Variants in PDE10A observed in about 807,000 individuals in gnomAD.
PDE10A encodes the protein phosphodiesterase 10A.
A neutral mutation model predicts 97.7 loss-of-function variants in PDE10A; 39 were observed. The observed-to-expected ratio is 0.40, with a 90% CI of 0.31 to 0.52. The LOEUF (loss-of-function observed/expected upper bound fraction) is 0.52. Among genes scored for constraint, PDE10A ranks in the 20% least tolerant of loss-of-function variants. The probability of loss-of-function intolerance (pLI) is 0.56; values close to 1 mark genes in which losing one functional copy is unlikely to be tolerated. For missense variants in PDE10A, 731 were observed against 1,047.8 expected (o/e 0.70, Z 4.17); for synonymous variants, 371 against 376.8 (o/e 0.98, Z 0.18).
chr6:165,330,334 T>C lies in PDE10A; in HGVS notation c.*2691A>G, dbSNP rs375504760. 6.6e-6 allele frequency: 1 copy of C among 152,156 alleles called. No individual in the cohort carries two copies. The highest frequency in any genetic ancestry group is 1.9e-4 in the East Asian group (1 of 5,194). 9.4% of individuals were successfully genotyped at this position (152,156 alleles called of 1,614,324 possible). On this transcript the variant is annotated 3_prime_UTR_variant, in exon 22 of 22. Transcript: ENST00000539869. Reference sequence around the variant, plus strand: ...CACACTGTTCTTTTAAGAAAAGATCTGGGAACAAGACAAGAAACATGACCC... The same window carrying C: ...CACACTGTTCTTTTAAGAAAAGATCCGGGAACAAGACAAGAAACATGACCC...
chr6:165,391,588 A>C (rs1785719112), intron 16 of PDE10A, among the ~76,000 whole-genome samples: 1 of 152,158 alleles, frequency 6.6e-6, no homozygotes, highest in South Asian at 2.1e-4. Flanking sequence ...AAAAGGAGAG[A>C]TTTCATGTGG....
chr6:165,794,330 C>T (rs60849529), intron 1 of PDE10A, among the ~76,000 whole-genome samples: 1 of 151,422 alleles, frequency 6.6e-6, no homozygotes, highest in African/African-American at 2.4e-5. Context: ...TCATCACACA[C>T]TCATAAACAC....
intron 1 of PDE10A, among the ~76,000 whole-genome samples, chr6:165,621,724 C>G (rs1373367743): frequency 6.6e-6 from 1 of 150,508 alleles, no homozygotes; most frequent in Non-Finnish European, 1.5e-5. Context: ...CCACTGAACT[C>G]CAGCCCTGGG....
intron 1 of PDE10A, among the ~76,000 whole-genome samples, chr6:165,642,785 T>G (rs1448360452): frequency 6.6e-6 from 1 of 152,244 alleles, no homozygotes; most frequent in African/African-American, 2.4e-5. Context: ...AAGAGCCCTT[T>G]GCATTCACTC....
intron 1 of PDE10A, among the ~76,000 whole-genome samples, chr6:165,656,666 T>C (rs1429011229): frequency 2.0e-5 from 3 of 152,194 alleles, no homozygotes; most frequent in Non-Finnish European, 2.9e-5. Flanking sequence ...CAGGCTGTTT[T>C]CCACCCTGCA....
intron 1 of PDE10A, among the ~76,000 whole-genome samples, chr6:165,823,486 A>ATG (rs1779631440): frequency 2.2e-5 from 1 of 45,290 alleles, no homozygotes; most frequent in East Asian, 3.9e-4. Context: ...TTAACTTTAT[A>ATG]TATATATATA....
At chr6:165,458,252 G>C (rs1778078674) in intron 3 of PDE10A, among the ~76,000 whole-genome samples, 1 of 152,082 alleles carries the variant, frequency 6.6e-6, no homozygotes, top group African/African-American at 2.4e-5. Context: ...CAGAGCTATA[G>C]ACTGTATCTC....
rs186705321 is a variant in PDE10A, at chr6:165,338,542, T to A, written c.2976+736A>T. ...GTAGTATGACCTGAAAAGAGGATAATTAATGTCAATTTATGTTGAGACAAA... is the reference window on the plus strand; with the variant it reads ...GTAGTATGACCTGAAAAGAGGATAAATAATGTCAATTTATGTTGAGACAAA... On this transcript the variant is annotated intron_variant, in intron 20 of 21. Transcript: ENST00000539869. Among the ~76,000 whole-genome samples the A allele has an allele frequency of 9.3e-4, 141 of 152,272 alleles. No individual in the cohort carries two copies. In the East Asian group the frequency reaches 0.011, roughly 11 times the overall value.
intron 1 of PDE10A, among the ~76,000 whole-genome samples, chr6:165,855,178 A>G (rs1780694515): frequency 6.6e-6 from 1 of 151,760 alleles, no homozygotes; most frequent in Admixed American, 6.6e-5. Context: ...CACAGCAGCT[A>G]CCCCAGGGCA....
intron 10 of PDE10A, among the ~76,000 whole-genome samples, chr6:165,419,909 C>T (rs968498861): frequency 6.6e-6 from 1 of 152,306 alleles, no homozygotes; most frequent in Admixed American, 6.5e-5. Flanking sequence ...AGTTAGGTAA[C>T]TGTCTTCATC....
At chr6:165,742,818 G>T (rs1428189629) in intron 1 of PDE10A, among the ~76,000 whole-genome samples, 1 of 151,402 alleles carries the variant, frequency 6.6e-6, no homozygotes, top group Admixed American at 6.6e-5. Context: ...TGAGGGAGGG[G>T]TTCATTTTCC....
intron 1 of PDE10A, among the ~76,000 whole-genome samples, chr6:165,779,748 C>T (rs1583077183): frequency 6.6e-6 from 1 of 152,296 alleles, no homozygotes; most frequent in East Asian, 1.9e-4. Flanking sequence ...TGTTCGACTG[C>T]TGTGATGCAG....
At chr6:165,930,184 C>G (rs1478314924) in intron 1 of PDE10A, among the ~76,000 whole-genome samples, 1 of 152,232 alleles carries the variant, frequency 6.6e-6, no homozygotes, top group Non-Finnish European at 1.5e-5. Context: ...GGAAGGTTCA[C>G]AGATCCCTGA....
chr6:165,350,658 C>A (rs1469898555), intron 18 of PDE10A, among the ~76,000 whole-genome samples: 1 of 152,188 alleles, frequency 6.6e-6, no homozygotes, highest in Admixed American at 6.5e-5. Flanking sequence ...CAAATCCCAT[C>A]TTGAATTGCA....
At chr6:165,708,749 C>G in intron 1 of PDE10A, among the ~76,000 whole-genome samples, 1 of 121,766 alleles carries the variant, frequency 8.2e-6, no homozygotes, top group East Asian at 2.1e-4. Flanking sequence ...CCACTCTCCA[C>G]CGCCATGCTG....
At chr6:165,669,105 G>A (rs1790576679) in intron 1 of PDE10A, among the ~76,000 whole-genome samples, 1 of 151,886 alleles carries the variant, frequency 6.6e-6, no homozygotes, top group Non-Finnish European at 1.5e-5. Context: ...GTGTCTGCAA[G>A]AGCAGCCAAT....
chr6:165,370,877 G>T (rs112189841), intron 18 of PDE10A, among the ~76,000 whole-genome samples: 3 of 149,386 alleles, frequency 2.0e-5, no homozygotes, highest in African/African-American at 7.5e-5. Context: ...ATAACAAACT[G>T]TCTCTCAGAC....
chr6:165,777,543 C>T (rs1401700335), intron 1 of PDE10A, among the ~76,000 whole-genome samples: 1 of 152,106 alleles, frequency 6.6e-6, no homozygotes, highest in Non-Finnish European at 1.5e-5. Flanking sequence ...TCTGAGTTAT[C>T]CTAAGCAAGA....
At chr6:165,516,568 C>A (rs1183432063) in intron 2 of PDE10A, among the ~76,000 whole-genome samples, 1 of 152,164 alleles carries the variant, frequency 6.6e-6, no homozygotes, top group Non-Finnish European at 1.5e-5. Context: ...AATGATCTGA[C>A]ACCCTCTCAC....
Sources: allele counts gnomAD v4.1 joint callset (sites outside exome capture counted in the v4.1 genomes callset), GRCh38; gene constraint gnomAD v4.1.1; transcripts MANE v1.5; gene names NCBI Gene and HGNC (gene_info 2026-07-23, HGNC 2026-07-21).